ADAMTS17: variants seen among roughly 807,000 people sequenced by gnomAD.
ADAMTS17 encodes ADAM metallopeptidase with thrombospondin type 1 motif 17.
A neutral mutation model predicts 141.5 loss-of-function variants in ADAMTS17; 113 were observed. That is an observed-to-expected ratio of 0.80 (90% CI 0.69 to 0.93). The LOEUF (loss-of-function observed/expected upper bound fraction) is 0.93, where lower values mean the gene tolerates loss of function less well. Among genes scored for constraint, ADAMTS17 ranks in the 40% least tolerant of loss-of-function variants. ADAMTS17 has a pLI of 0.00. For synonymous variants in ADAMTS17, 768 were observed against 630.6 expected, an observed-to-expected ratio of 1.22 and a Z score of -3.27; for missense variants, 1,659 against 1,517.9, an observed-to-expected ratio of 1.09 and a Z score of -1.54.
chr15:100,041,391 C>A (rs942121306), intron 18 of ADAMTS17, among the ~76,000 whole-genome samples: 1 of 152,186 alleles, frequency 6.6e-6, no homozygotes, highest in Middle Eastern at 3.2e-3. Flanking sequence ...TTAAAGACTG[C>A]AAAAATGTTA....
intron 7 of ADAMTS17, among the ~76,000 whole-genome samples, chr15:100,242,923 CTACAGAACTT>C (rs1475350313): frequency 6.6e-6 from 1 of 152,198 alleles, no homozygotes; most frequent in Non-Finnish European, 1.5e-5. Context: ...CACCGTCCAC[CTACAGAACTT>C]TTCATCTTCC....
chr15:100,069,519 A>C (rs1002391378), intron 15 of ADAMTS17, among the ~76,000 whole-genome samples: 3 of 152,218 alleles, frequency 2.0e-5, no homozygotes, highest in Admixed American at 2.0e-4. Flanking sequence ...CACAAAGGGA[A>C]GCCCATCAGA....
chr15:100,265,879 C>T (rs987843473), intron 4 of ADAMTS17, among the ~76,000 whole-genome samples: 1 of 152,200 alleles, frequency 6.6e-6, no homozygotes, highest in African/African-American at 2.4e-5. Context: ...CCACCCCAGC[C>T]CCCACTGAAT....
At chr15:100,195,183 A>G (rs11853319) in intron 8 of ADAMTS17, among the ~76,000 whole-genome samples, 3,584 of 152,348 alleles carry the variant, frequency 0.024, 136 homozygotes, top group African/African-American at 0.082. Context: ...GCTGCTCAGC[A>G]GCTGACTCTG....
chr15:100,044,698 C>T (rs2031537512), intron 18 of ADAMTS17, among the ~76,000 whole-genome samples: 1 of 152,144 alleles, frequency 6.6e-6, no homozygotes, highest in Non-Finnish European at 1.5e-5. Flanking sequence ...GATCTGTTTC[C>T]CTATATGACT....
At chr15:100,262,459 A>G in intron 4 of ADAMTS17, 24 bp from the exon 5 acceptor site, 3 of 1,591,834 alleles carry the variant, frequency 1.9e-6, no homozygotes, top group Admixed American at 1.7e-5. Context: ...AAAAAGAAAT[A>G]AAGATATAAA....
chr15:100,182,583 T>C (rs2040563487), intron 8 of ADAMTS17, among the ~76,000 whole-genome samples: 1 of 152,206 alleles, frequency 6.6e-6, no homozygotes, highest in Non-Finnish European at 1.5e-5. Flanking sequence ...CTGTCTTTCC[T>C]ACCGACTTCA....
chr15:100,292,286 G>A (rs916447310), intron 3 of ADAMTS17, among the ~76,000 whole-genome samples: 6 of 150,378 alleles, frequency 4.0e-5, no homozygotes, highest in Non-Finnish European at 5.9e-5. Flanking sequence ...GAGAATCTAC[G>A]AGAGACACTC....
intron 3 of ADAMTS17, among the ~76,000 whole-genome samples, chr15:100,323,084 CAAAA>C (rs60468549): frequency 1.9e-5 from 2 of 107,480 alleles, no homozygotes; most frequent in Admixed American, 1.0e-4. Context: ...GACTCCGTCT[CAAAA>C]AAAAAAAAAA....
At chr15:100,032,586 T>C (rs538612710) in intron 18 of ADAMTS17, among the ~76,000 whole-genome samples, 1 of 152,350 alleles carries the variant, frequency 6.6e-6, no homozygotes, top group South Asian at 2.1e-4. Flanking sequence ...ACTACAGTAC[T>C]GTCTGATGAC....
At chr15:100,021,624 T>C (rs769205417) in intron 18 of ADAMTS17, among the ~76,000 whole-genome samples, 3 of 152,188 alleles carry the variant, frequency 2.0e-5, no homozygotes, top group Non-Finnish European at 4.4e-5. Flanking sequence ...GTCTGATGAT[T>C]TACTCATTCG....
intron 11 of ADAMTS17, 87 bp downstream of exon 11, chr15:100,133,122 TAAGTA>T: frequency 7.8e-7 from 1 of 1,279,684 alleles, no homozygotes; most frequent in South Asian, 1.3e-5. Context: ...CAGGGGCTCC[TAAGTA>T]GAGTACAGAT....
chr15:100,250,812 T>C (rs143843313), intron 7 of ADAMTS17, among the ~76,000 whole-genome samples: 1 of 152,188 alleles, frequency 6.6e-6, no homozygotes, highest in Admixed American at 6.5e-5. Context: ...ATGTTACCAC[T>C]GGACAAAGCT....
chr15:100,100,504 A>T (rs1000743825), intron 14 of ADAMTS17, among the ~76,000 whole-genome samples: 7 of 152,066 alleles, frequency 4.6e-5, no homozygotes, highest in African/African-American at 1.4e-4. Flanking sequence ...TCTTAATTCT[A>T]GTTGGACACC....
chr15:100,279,370 G>A (rs549025189), intron 4 of ADAMTS17, among the ~76,000 whole-genome samples: 3 of 152,148 alleles, frequency 2.0e-5, no homozygotes, highest in Non-Finnish European at 4.4e-5. Flanking sequence ...CTGCACCTTC[G>A]CTAGACCTCA....
intron 7 of ADAMTS17, among the ~76,000 whole-genome samples, chr15:100,235,512 C>T (rs892423377): frequency 5.9e-5 from 9 of 152,016 alleles, no homozygotes; most frequent in Non-Finnish European, 8.8e-5. Context: ...CAAAATTAAG[C>T]GTGTGTCAGA....
intron 8 of ADAMTS17, among the ~76,000 whole-genome samples, chr15:100,155,618 T>TA (rs1428743764): frequency 6.6e-6 from 1 of 152,236 alleles, no homozygotes; most frequent in Admixed American, 6.5e-5. Context: ...TGATAATTCT[T>TA]AAACTTTAAG....
intron 14 of ADAMTS17, among the ~76,000 whole-genome samples, chr15:100,106,734 T>A (rs12591727): frequency 0.14 from 21,754 of 152,174 alleles, 1,872 homozygotes; most frequent in Admixed American, 0.21. Context: ...GAACGTTAAG[T>A]CGTTGGGCAG....
chr15:100,246,713 CT>C (rs565514396), intron 7 of ADAMTS17, among the ~76,000 whole-genome samples: 15 of 151,208 alleles, frequency 9.9e-5, no homozygotes, highest in South Asian at 2.1e-4. Flanking sequence ...GGAGACTACA[CT>C]TTTTTTTTAT....
Sources: allele counts gnomAD v4.1 joint callset (sites outside exome capture counted in the v4.1 genomes callset), GRCh38; gene constraint gnomAD v4.1.1; transcripts MANE v1.5; gene names NCBI Gene and HGNC (gene_info 2026-07-23, HGNC 2026-07-21).